The following MYO18B variants were observed in gnomAD, a reference collection of about 807,000 sequenced individuals.
The protein encoded by MYO18B is myosin XVIIIB, also known as unconventional myosin-XVIIIb.
Under a neutral mutation model 273.0 loss-of-function variants are expected in MYO18B, and 204 were observed. The observed-to-expected ratio is 0.75, with a 90% CI of 0.67 to 0.84. The LOEUF is 0.84. Ranked by LOEUF, MYO18B falls within the 40% of genes least tolerant of loss-of-function variation. The probability of loss-of-function intolerance (pLI) is 0.00; values close to 1 mark genes in which losing one functional copy is unlikely to be tolerated. For synonymous variants in MYO18B, 1,330 were observed against 1,305.7 expected, an observed-to-expected ratio of 1.02 and a Z score of -0.40; for missense variants, 3,212 against 3,287.6, an observed-to-expected ratio of 0.98 and a Z score of 0.56.
the MYO18B span, among the ~76,000 whole-genome samples, chr22:26,048,498 C>A: frequency 6.6e-6 from 1 of 152,118 alleles, no homozygotes; most frequent in Non-Finnish European, 1.5e-5. Context: ...ACTCCTGTGA[C>A]CTGCCTGTGG....
intron 27 of MYO18B, 120 bp downstream of exon 27, chr22:25,891,532 G>T: frequency 1.5e-6 from 1 of 656,040 alleles, no homozygotes; most frequent in Non-Finnish European, 2.7e-6. Flanking sequence ...CTGCGACTTT[G>T]GCAGAGCAAA....
chr22:25,990,712 A>AAAAAAAAAAAAAAAAAAG (rs2093258948), intron 39 of MYO18B, among the ~76,000 whole-genome samples: 1 of 42,818 alleles, frequency 2.3e-5, no homozygotes, highest in Non-Finnish European at 4.6e-5. Flanking sequence ...AAAAAAAAAA[A>AAAAAAAAAAAAAAAAAAG]AAAAAAAAGA....
intron 11 of MYO18B, among the ~76,000 whole-genome samples, chr22:25,792,986 G>A (rs565678830): frequency 1.2e-4 from 18 of 152,186 alleles, no homozygotes; most frequent in Non-Finnish European, 2.2e-4. Context: ...AGCCCCTTGA[G>A]GGCAGGGTCA....
At chr22:25,803,995 CACACACACACACACAT>C (rs928022919) in intron 12 of MYO18B, among the ~76,000 whole-genome samples, 2 of 151,108 alleles carry the variant, frequency 1.3e-5, no homozygotes, top group Non-Finnish European at 2.9e-5. Flanking sequence ...CACACACACA[CACACACACACACACAT>C]ATTTTATAGA....
At chr22:25,792,576 C>G (rs1343648285) in intron 11 of MYO18B, among the ~76,000 whole-genome samples, 2 of 145,630 alleles carry the variant, frequency 1.4e-5, no homozygotes, top group Non-Finnish European at 3.0e-5. Context: ...CTCACTGCAA[C>G]CTCCACCTCC....
At chr22:25,855,276 T>C (rs1161858556) in intron 21 of MYO18B, among the ~76,000 whole-genome samples, 3 of 138,324 alleles carry the variant, frequency 2.2e-5, no homozygotes, top group African/African-American at 8.0e-5. Context: ...CAAAGGACGT[T>C]ATCTCATTCT....
chr22:25,780,718 C>T (rs1197862541), intron 9 of MYO18B, among the ~76,000 whole-genome samples: 1 of 151,990 alleles, frequency 6.6e-6, no homozygotes, highest in East Asian at 1.9e-4. Flanking sequence ...TCGCTAGGTG[C>T]CCTGGAACGT....
the MYO18B span, among the ~76,000 whole-genome samples, chr22:26,041,119 A>G: frequency 1.3e-5 from 2 of 151,984 alleles, no homozygotes; most frequent in Non-Finnish European, 2.9e-5. Context: ...AAACTCATAA[A>G]CTTTCTTAAA....
At chr22:25,891,900 C>T (rs1601490310) in intron 27 of MYO18B, among the ~76,000 whole-genome samples, 1 of 152,050 alleles carries the variant, frequency 6.6e-6, no homozygotes, top group South Asian at 2.1e-4. Flanking sequence ...TGGTGGCATG[C>T]ACCTGAAGTC....
At chr22:25,924,530 G>A (rs1347463459) in intron 34 of MYO18B, among the ~76,000 whole-genome samples, 1 of 152,204 alleles carries the variant, frequency 6.6e-6, no homozygotes, top group Non-Finnish European at 1.5e-5. Flanking sequence ...AATGAGAAAG[G>A]AAATAAATAG....
chr22:25,961,536 A>C (rs1482546555), intron 39 of MYO18B, among the ~76,000 whole-genome samples: 4 of 152,188 alleles, frequency 2.6e-5, no homozygotes, highest in Non-Finnish European at 5.9e-5. Context: ...TTATGGAGAA[A>C]ATAATATTCT....
intron 21 of MYO18B, among the ~76,000 whole-genome samples, chr22:25,856,374 TTACAG>T (rs1470758660): frequency 2.0e-5 from 3 of 152,246 alleles, no homozygotes; most frequent in African/African-American, 4.8e-5. Context: ...GTGCAGTTCG[TTACAG>T]GACATGCCAT....
In MYO18B at chr22:25,981,469, G is replaced by A. The variant is rs1173564676; in HGVS notation, c.6157-10894G>A. 2.6e-4 allele frequency among the ~76,000 whole-genome samples: 39 copies of A among 152,274 alleles called. 1 individual carries two copies. The highest frequency in any genetic ancestry group is 2.2e-3 in the Admixed American group (33 of 15,294). On this transcript the variant is annotated intron_variant, in intron 39 of 43. Transcript: ENST00000335473. ...ATATTGATTATGTCATTGGTAATAGGTTGTCCTTTCTGAGGTTAGGCTATA... is the reference window on the plus strand; with the variant it reads ...ATATTGATTATGTCATTGGTAATAGATTGTCCTTTCTGAGGTTAGGCTATA...
chr22:25,758,731 AAAG>A (rs2086205759), intron 1 of MYO18B, among the ~76,000 whole-genome samples: 1 of 151,956 alleles, frequency 6.6e-6, no homozygotes, highest in Non-Finnish European at 1.5e-5. Context: ...ATGGGCATGA[AAAG>A]AAGAGTTTTT....
intron 42 of MYO18B, among the ~76,000 whole-genome samples, chr22:26,007,025 A>G (rs1207629810): frequency 6.6e-6 from 1 of 152,142 alleles, no homozygotes; most frequent in Non-Finnish European, 1.5e-5. Flanking sequence ...AGAGAGCCCT[A>G]TCCAGAGTCT....
At chr22:25,966,747 C>T (rs1037205938) in intron 39 of MYO18B, among the ~76,000 whole-genome samples, 1 of 152,192 alleles carries the variant, frequency 6.6e-6, no homozygotes, top group African/African-American at 2.4e-5. Flanking sequence ...TGTCTCCCTA[C>T]AAAGGTTTCT....
chr22:25,753,174 C>T (rs1373498098), intron 1 of MYO18B, among the ~76,000 whole-genome samples: 2 of 152,176 alleles, frequency 1.3e-5, no homozygotes, highest in Non-Finnish European at 2.9e-5. Flanking sequence ...AAGCTCAGCC[C>T]GTGGCCCCAG....
intron 34 of MYO18B, among the ~76,000 whole-genome samples, chr22:25,933,017 G>C (rs1255964638): frequency 6.6e-6 from 1 of 152,092 alleles, no homozygotes; most frequent in Non-Finnish European, 1.5e-5. Flanking sequence ...TCCCAATTTA[G>C]GATCCAACTT....
chr22:26,053,114 G>C, the MYO18B span, among the ~76,000 whole-genome samples: 1 of 152,132 alleles, frequency 6.6e-6, no homozygotes, highest in Non-Finnish European at 1.5e-5. Flanking sequence ...GCCGAATTGG[G>C]TGTCTTTTTA....
Sources: gnomAD v4.1 joint callset for allele counts (sites outside exome capture counted in the v4.1 genomes callset) on GRCh38, gnomAD v4.1.1 for gene constraint, MANE v1.5 for transcripts, NCBI Gene and HGNC (gene_info 2026-07-23, HGNC 2026-07-21) for gene names.